Variants in HCN1 observed in about 807,000 individuals in gnomAD.
HCN1 encodes the protein hyperpolarization activated cyclic nucleotide gated potassium channel 1, also known as potassium/sodium hyperpolarization-activated cyclic nucleotide-gated channel 1.
In HCN1, 13 loss-of-function variants were observed where a neutral mutation model predicts 78.9. That is an observed-to-expected ratio of 0.16 (90% CI 0.11 to 0.26). HCN1 has a LOEUF of 0.26. HCN1 is among the 10% of genes least tolerant of loss of function. HCN1 has a pLI of 1.00. For synonymous variants in HCN1, 552 were observed against 455.5 expected, an observed-to-expected ratio of 1.21 and a Z score of -2.70; for missense variants, 810 against 1,154.3, an observed-to-expected ratio of 0.70 and a Z score of 4.32.
chr5:45,494,686 C>T (rs1410245696), intron 2 of HCN1, among the ~76,000 whole-genome samples: 3 of 151,772 alleles, frequency 2.0e-5, no homozygotes, highest in Non-Finnish European at 4.4e-5. Context: ...TGCCTATGTC[C>T]TGAATGGTAA....
chr5:45,455,747 T>C (rs1433952678), intron 3 of HCN1, among the ~76,000 whole-genome samples: 1 of 130,960 alleles, frequency 7.6e-6, no homozygotes, highest in African/African-American at 3.0e-5. Context: ...AATTAAGACA[T>C]GCTTCTGGAA....
chr5:45,582,366 A>C (rs1744098324), intron 2 of HCN1, among the ~76,000 whole-genome samples: 1 of 152,108 alleles, frequency 6.6e-6, no homozygotes, highest in African/African-American at 2.4e-5. Flanking sequence ...TTGTACATTG[A>C]TTTTGTATCC....
chr5:45,306,240 A>G (rs960954841), intron 5 of HCN1, among the ~76,000 whole-genome samples: 4 of 152,122 alleles, frequency 2.6e-5, no homozygotes, highest in Admixed American at 6.6e-5. Flanking sequence ...GAATCCCTTC[A>G]TCTTTGTACC....
intron 2 of HCN1, among the ~76,000 whole-genome samples, chr5:45,487,034 T>C (rs532886455): frequency 1.9e-3 from 283 of 152,162 alleles, no homozygotes; most frequent in Middle Eastern, 3.4e-3. Context: ...CGTCAGATGT[T>C]TTACATCCTC....
At chr5:45,348,609 A>G (rs1011313922) in intron 5 of HCN1, among the ~76,000 whole-genome samples, 37 of 152,224 alleles carry the variant, frequency 2.4e-4, no homozygotes, top group Admixed American at 8.5e-4. Context: ...AGTGTGCTGT[A>G]TTCAGGAAAC....
intron 5 of HCN1, among the ~76,000 whole-genome samples, chr5:45,321,916 A>G (rs1746134382): frequency 6.6e-6 from 1 of 151,916 alleles, no homozygotes; most frequent in African/African-American, 2.4e-5. Flanking sequence ...AAATAACTTT[A>G]TCTTCAATTA....
At chr5:45,458,963 T>C (rs532422396) in intron 3 of HCN1, among the ~76,000 whole-genome samples, 5 of 152,114 alleles carry the variant, frequency 3.3e-5, no homozygotes, top group Non-Finnish European at 5.9e-5. Flanking sequence ...ACTTTGCTTT[T>C]TATTATTGCA....
At chr5:45,494,675 A>G (rs1465021756) in intron 2 of HCN1, among the ~76,000 whole-genome samples, 1 of 151,936 alleles carries the variant, frequency 6.6e-6, no homozygotes, top group Non-Finnish European at 1.5e-5. Flanking sequence ...GTCCTTGCCC[A>G]TGCCTATGTC....
rs550063063 is a variant in HCN1, at chr5:45,518,579, C to T, written c.850-56572G>A. On this transcript the variant is annotated intron_variant, in intron 2 of 7. Coordinates refer to ENST00000303230, the MANE Select transcript of HCN1 (RefSeq NM_021072.4). ...TGCACAGCCTGAGGAGGAGGCCCAA[C>T]GACGTAAATACTGTGACCCTGATAG... Among the ~76,000 whole-genome samples, 14 of 152,044 alleles carry T rather than the reference C, an allele frequency of 9.2e-5. No individual in the cohort carries two copies. In the East Asian group the frequency reaches 1.2e-3, roughly 13 times the overall value.
chr5:45,373,406 A>T (rs1320779512), intron 4 of HCN1, among the ~76,000 whole-genome samples: 1 of 130,986 alleles, frequency 7.6e-6, no homozygotes, highest in South Asian at 2.3e-4. Context: ...ATATTATATA[A>T]AATATATTAT....
chr5:45,322,978 C>T (rs575999117), intron 5 of HCN1, among the ~76,000 whole-genome samples: 39 of 151,896 alleles, frequency 2.6e-4, no homozygotes, highest in South Asian at 1.5e-3. Flanking sequence ...ACTTGAAACA[C>T]GGCTAGTGTG....
intron 3 of HCN1, among the ~76,000 whole-genome samples, chr5:45,411,574 AT>A (rs71610398): frequency 0.25 from 37,822 of 151,704 alleles, 4,886 homozygotes; most frequent in East Asian, 0.32. Context: ...TATTCTAGCT[AT>A]TTTTTATGGC....
intron 4 of HCN1, among the ~76,000 whole-genome samples, chr5:45,371,220 T>TA (rs1421800515): frequency 1.3e-5 from 2 of 151,718 alleles, no homozygotes; most frequent in Non-Finnish European, 2.9e-5. Flanking sequence ...CTAGAGGAAT[T>TA]AGAGAAACAA....
intron 5 of HCN1, among the ~76,000 whole-genome samples, chr5:45,322,903 T>G (rs921446251): frequency 6.6e-6 from 1 of 151,870 alleles, no homozygotes; most frequent in Non-Finnish European, 1.5e-5. Context: ...CTAAGAGGTA[T>G]GCAGTCTGTT....
chr5:45,328,211 T>C (rs1746273868), intron 5 of HCN1, among the ~76,000 whole-genome samples: 1 of 151,718 alleles, frequency 6.6e-6, no homozygotes, highest in Non-Finnish European at 1.5e-5. Context: ...CTTATCATGA[T>C]TGTGGCTGTA....
rs570783001 is a variant in HCN1, at chr5:45,376,232, T to C, written c.1230+20260A>G. On this transcript the variant is annotated intron_variant, in intron 4 of 7. Coordinates refer to ENST00000303230, the MANE Select transcript of HCN1 (RefSeq NM_021072.4). ...TATATAATACATTATATATAATATA[T>C]ATTCTATATATTCTATATAGAATAT... 9.4e-5 allele frequency among the ~76,000 whole-genome samples: 10 copies of C among 105,990 alleles called. No individual in the cohort carries two copies. The South Asian group carries it at 2.4e-3, about 25-fold the overall frequency. 69.5% of individuals were successfully genotyped at this position (105,990 alleles called of 152,430 possible).
intron 6 of HCN1, among the ~76,000 whole-genome samples, chr5:45,289,636 G>A (rs1046533936): frequency 6.6e-6 from 1 of 152,058 alleles, no homozygotes; most frequent in Non-Finnish European, 1.5e-5. Flanking sequence ...AAGTTGTAGT[G>A]AGACTCAAAA....
intron 4 of HCN1, among the ~76,000 whole-genome samples, chr5:45,380,859 T>G (rs1291751249): frequency 1.3e-5 from 2 of 152,150 alleles, no homozygotes; most frequent in African/African-American, 4.8e-5. Flanking sequence ...TTGCTCAAAG[T>G]GAGATTAATT....
intron 4 of HCN1, among the ~76,000 whole-genome samples, chr5:45,374,582 TG>T (rs1406760874): frequency 6.7e-6 from 1 of 150,256 alleles, no homozygotes; most frequent in African/African-American, 2.4e-5. Flanking sequence ...AAAGAAGTGC[TG>T]GTAGCATTTC....
Sources: allele counts gnomAD v4.1 joint callset (sites outside exome capture counted in the v4.1 genomes callset), GRCh38; gene constraint gnomAD v4.1.1; transcripts MANE v1.5; gene names NCBI Gene and HGNC (gene_info 2026-07-23, HGNC 2026-07-21).